Variants in ACOT11 observed in about 807,000 individuals in gnomAD.
ACOT11 encodes acyl-CoA thioesterase 11, also known as acyl-coenzyme A thioesterase 11.
ACOT11 carries 69 observed loss-of-function variants against 77.5 expected under a neutral mutation model. The ratio of observed to expected loss-of-function variants is 0.89; its 90% confidence interval spans 0.73 to 1.09. ACOT11 has a LOEUF of 1.09. ACOT11 is among the 50% of genes least tolerant of loss of function. The probability of loss-of-function intolerance (pLI) is 0.00; values close to 1 mark genes in which losing one functional copy is unlikely to be tolerated. For synonymous variants in ACOT11, 279 were observed against 313.0 expected (o/e 0.89, Z 1.15); for missense variants, 766 against 813.7 (o/e 0.94, Z 0.71).
downstream of ACOT11, chr1:54,614,953 T>TGTGC (rs753882692): frequency 7.8e-7 from 1 of 1,275,548 alleles, no homozygotes; most frequent in Non-Finnish European, 1.1e-6. Context: ...TGTGTGTGTG[T>TGTGC]GCATGTGCGT....
downstream of ACOT11, chr1:54,610,754 G>T (rs1468456266): frequency 2.0e-6 from 2 of 984,236 alleles, no homozygotes; most frequent in Non-Finnish European, 2.4e-6. Flanking sequence ...AAGCAAAGTT[G>T]CCAGGAGTGG....
intron 16 of ACOT11, among the ~76,000 whole-genome samples, chr1:54,631,183 C>T (rs909092734): frequency 3.3e-5 from 5 of 152,236 alleles, no homozygotes; most frequent in South Asian, 2.1e-4. Context: ...AGTGACTGTT[C>T]GAGCAGCGCC....
Position 54,592,586 on chromosome 1 carries a change from G to T in ACOT11, c.352G>T (p.Ala118Ser), listed in dbSNP as rs1261687732. ...GAATATCAAGGCCAAGGTGAACCGG[G>T]CCTTCAACTCCAGCATGGAGGTGTG... The part of the protein sequence containing the change: ...VVNIKAKVNR[A>S]FNSSMEVGIQ... Residue 118 changes from alanine to serine, a missense_variant, in exon 4 of 16, where the codon GCC becomes TCC. By Grantham distance (99) the Ala-to-Ser change is moderately conservative. Transcript: ENST00000343744. 1 of 1,613,444 alleles carries T rather than the reference G, an allele frequency of 6.2e-7. No individual in the cohort carries two copies. The highest frequency in any genetic ancestry group is 1.7e-5 in the Admixed American group (1 of 59,914).
At chr1:54,627,967 G>A (rs1644281012) in intron 15 of ACOT11, among the ~76,000 whole-genome samples, 1 of 132,962 alleles carries the variant, frequency 7.5e-6, no homozygotes, top group Admixed American at 7.8e-5. Context: ...GGGGAGCCCC[G>A]GAGGCCTGGG....
intron 8 of ACOT11, 129 bp from the exon 9 acceptor site, chr1:54,601,118 TGTGTGTGTATGTGTGTGCATAC>T (rs200013559): frequency 0.18 from 47,580 of 271,222 alleles, 10,881 homozygotes; most frequent in Admixed American, 0.32. Context: ...TGTGCATACA[TGTGTGTGTATGTGTGTGCATAC>T]GTGTGTGTGT....
downstream of ACOT11, chr1:54,611,020 G>C (rs1644111794): frequency 1.0e-6 from 1 of 985,374 alleles, no homozygotes; most frequent in Non-Finnish European, 1.2e-6. Context: ...ATAATGGGGG[G>C]TTTGGAATTT....
chr1:54,549,772 G>A (rs529150542), intron 1 of ACOT11, among the ~76,000 whole-genome samples: 30 of 152,344 alleles, frequency 2.0e-4, no homozygotes, highest in East Asian at 7.7e-4. Context: ...TTTCAGCAGC[G>A]AGGCTAAGGG....
At chr1:54,604,750 C>T (rs934623614) in intron 12 of ACOT11, among the ~76,000 whole-genome samples, 4 of 152,238 alleles carry the variant, frequency 2.6e-5, no homozygotes, top group Middle Eastern at 3.4e-3. Flanking sequence ...AGCAGGCACG[C>T]GCTTACAGGA....
At chr1:54,623,532 C>T (rs1012144963) in intron 15 of ACOT11, 26 of 688,732 alleles carry the variant, frequency 3.8e-5, no homozygotes, top group Non-Finnish European at 5.7e-5. Flanking sequence ...CTCTGCAGCC[C>T]TGTAATATCC....
At chr1:54,572,569 A>G (rs1369490783) in intron 1 of ACOT11, among the ~76,000 whole-genome samples, 2 of 146,188 alleles carry the variant, frequency 1.4e-5, no homozygotes, top group African/African-American at 5.3e-5. Flanking sequence ...AGCTCCCCTG[A>G]GGGGGGGGGT....
intron 15 of ACOT11, among the ~76,000 whole-genome samples, chr1:54,622,987 C>T (rs965746869): frequency 1.3e-5 from 2 of 151,824 alleles, no homozygotes; most frequent in African/African-American, 4.8e-5. Flanking sequence ...CCAGCCTGGC[C>T]AACATGGTGA....
At chr1:54,555,814 G>A (rs900253312) in intron 1 of ACOT11, among the ~76,000 whole-genome samples, 10 of 151,586 alleles carry the variant, frequency 6.6e-5, no homozygotes, top group African/African-American at 2.2e-4. Flanking sequence ...GCATGATCTC[G>A]GCTCACTGCA....
chr1:54,561,758 AC>A, intron 1 of ACOT11, among the ~76,000 whole-genome samples: 1 of 113,966 alleles, frequency 8.8e-6, no homozygotes, highest in African/African-American at 3.7e-5. Context: ...TCCCTCCCGG[AC>A]GGGGCGGCTG....
intron 1 of ACOT11, among the ~76,000 whole-genome samples, chr1:54,580,519 C>T (rs184129306): frequency 1.3e-5 from 2 of 152,320 alleles, no homozygotes; most frequent in East Asian, 3.9e-4. Flanking sequence ...AACCCTTTGC[C>T]CTGACATTCC....
Position 54,603,920 on chromosome 1 carries a change from T to G in ACOT11, c.1135T>G (p.Trp379Gly). The change falls in exon 11 of 16, where the codon TGG becomes GGG. Residue 379 changes from tryptophan to glycine, a missense_variant. Physicochemically the swap from Trp to Gly is radical, Grantham distance 184. Coordinates refer to ENST00000343744, the MANE Select transcript of ACOT11 (RefSeq NM_147161.4). ...GACAGAGGTGCCCCTCTCCGTCCCC[T>G]GGGACCCTAGCAACCAGGTAAGGCT... ...KQTEVPLSVP[W>G]DPSNQVYLSY... 1 of 1,614,092 alleles carries G rather than the reference T, an allele frequency of 6.2e-7. No individual in the cohort carries two copies. Among genetic ancestry groups the G allele is most frequent in the African/African-American group, 1.3e-5 (1 of 75,022 alleles).
In ACOT11 at chr1:54,585,907, A is replaced by T. The variant is rs1654482448; in HGVS notation, c.311+3A>T. On this transcript the variant is annotated splice_donor_region_variant and intron_variant, in intron 3 of 15. Coordinates refer to ENST00000343744, the MANE Select transcript of ACOT11 (RefSeq NM_147161.4). The stretch of plus-strand genomic sequence containing the variant: ...ATCTATTTTGAGCACACCATTAGGT[A>T]AGTGGCCCCTCCTGCCTCAAGGTCC... 14 of 1,613,848 alleles carry T rather than the reference A, an allele frequency of 8.7e-6. No homozygotes were observed. Among genetic ancestry groups the T allele is most frequent in the Non-Finnish European group, 1.0e-5 (12 of 1,179,934 alleles).
chr1:54,626,400 C>G (rs989143528), intron 15 of ACOT11, among the ~76,000 whole-genome samples: 9 of 152,188 alleles, frequency 5.9e-5, no homozygotes, highest in African/African-American at 2.2e-4. Context: ...TAAGTCTCAC[C>G]TAGTCTGGCT....
intron 7 of ACOT11, 33 bp from the exon 8 acceptor site, chr1:54,599,263 A>T: frequency 7.2e-7 from 1 of 1,380,360 alleles, no homozygotes; most frequent in African/African-American, 1.6e-5. Flanking sequence ...CACCAGGGGC[A>T]TTCCTTCTGT....
chr1:54,583,572 TAGG>T (rs1270686976), intron 1 of ACOT11, among the ~76,000 whole-genome samples: 1 of 149,822 alleles, frequency 6.7e-6, no homozygotes, highest in African/African-American at 2.5e-5. Flanking sequence ...GTGTCGGGGG[TAGG>T]AGCTCAGGCT....
Sources: gnomAD v4.1 joint callset for allele counts (sites outside exome capture counted in the v4.1 genomes callset) on GRCh38, gnomAD v4.1.1 for gene constraint, MANE v1.5 for transcripts, NCBI Gene and HGNC (gene_info 2026-07-23, HGNC 2026-07-21) for gene names.